Variants in DIRAS3 observed in about 807,000 individuals in gnomAD.
The protein encoded by DIRAS3 is GTP-binding protein Di-Ras3.
For synonymous variants in DIRAS3, 133 were observed against 131.4 expected (o/e 1.01, Z -0.08); for missense variants, 248 against 300.6 (o/e 0.83, Z 1.29).
chr1:68,049,844 C>T (rs1645714774), intron 1 of DIRAS3: 1 of 151,924 alleles, frequency 6.6e-6, no homozygotes, highest in South Asian at 2.1e-4. Flanking sequence ...GCCTGGGTAA[C>T]ATAGGGAGAC....
At position 68,047,108 on chromosome 1, in the gene DIRAS3, GA is replaced by G. The variant is rs761914506; in HGVS notation, c.189del (p.His64MetfsTer43). ...LLHKWASGNF[R>X]HEYLPTIENT... ...TTTTCAATGGTCGGCAGGTACTCAT[GA>G]CGGAAGTTGCCGCTCGCCCACTTGT... On this transcript the variant is annotated frameshift_variant, in exon 2 of 2. Coordinates refer to ENST00000646789, the MANE Select transcript of DIRAS3 (RefSeq NM_004675.5). LOFTEE classifies it low-confidence loss of function (END_TRUNC). 1.9e-6 allele frequency: 3 copies of G among 1,614,186 alleles called. No individual in the cohort carries two copies. The African/African-American group carries it at 4.0e-5, about 22-fold the overall frequency.
intron 1 of DIRAS3, chr1:68,049,267 A>G (rs1362699091): frequency 3.9e-5 from 6 of 152,242 alleles, no homozygotes; most frequent in African/African-American, 1.4e-4. Context: ...AAATACATAC[A>G]TATATCTAAA....
At chr1:68,047,719 T>C (rs1308552340) in intron 1 of DIRAS3, among the ~76,000 whole-genome samples, 1 of 151,908 alleles carries the variant, frequency 6.6e-6, no homozygotes, top group Non-Finnish European at 1.5e-5. Flanking sequence ...TGAAGAGGAC[T>C]GAACAGTCAA....
chr1:68,048,069 T>A (rs1557689712), intron 1 of DIRAS3, among the ~76,000 whole-genome samples: 1 of 104,686 alleles, frequency 9.6e-6, no homozygotes, highest in Non-Finnish European at 1.9e-5. Context: ...TATATATATA[T>A]ATATATATAT....
At chr1:68,047,890 C>A (rs1245369412) in intron 1 of DIRAS3, among the ~76,000 whole-genome samples, 1 of 149,422 alleles carries the variant, frequency 6.7e-6, no homozygotes, top group African/African-American at 2.5e-5. Flanking sequence ...AGGGGAGGTA[C>A]CTGCAGTCAG....
chr1:68,047,535 C>T (rs1328596348), intron 1 of DIRAS3, among the ~76,000 whole-genome samples, 173 bp from the exon 2 acceptor site: 1 of 152,068 alleles, frequency 6.6e-6, no homozygotes, highest in Non-Finnish European at 1.5e-5. Context: ...CCTGCTAGAC[C>T]GAGGGACCAG....
chr1:68,046,250 G>A lies in DIRAS3; in HGVS notation c.*358C>T, dbSNP rs1645671176. The A allele has an allele frequency of 5.5e-6, 1 of 182,164 alleles. No homozygotes were observed. Among genetic ancestry groups the A allele is most frequent in the African/African-American group, 2.4e-5 (1 of 42,030 alleles). 11.3% of individuals were successfully genotyped at this position (182,164 alleles called of 1,614,324 possible). On this transcript the variant is annotated 3_prime_UTR_variant, in exon 2 of 2. Transcript: ENST00000646789. ...ACTTACAGGATGTGAAATATTTAAA[G>A]GTAATACACAATAATCGGGTTACCA... is the stretch of plus-strand genomic sequence containing the variant.
Position 68,047,136 on chromosome 1 carries a change from C to T in DIRAS3, c.162G>A (p.Leu54=). 6.2e-7 allele frequency: 1 copy of T among 1,614,208 alleles called. No individual in the cohort carries two copies. The highest frequency in any genetic ancestry group is 8.5e-7 in the Non-Finnish European group (1 of 1,180,046). The change falls in exon 2 of 2, where the codon CTG becomes CTA. Residue 54 remains leucine, a synonymous_variant. Transcript: ENST00000646789. ...GTAGVGKSTL[L]HKWASGNFRH... ...GGAAGTTGCCGCTCGCCCACTTGTG[C>T]AGCAGCGTACTTTTCCCCACACCAG...
chr1:68,047,162 C>T lies in DIRAS3; in HGVS notation c.136G>A (p.Ala46Thr). The T allele has an allele frequency of 6.2e-7, 1 of 1,614,174 alleles. No homozygotes were observed. Among genetic ancestry groups the T allele is most frequent in the Non-Finnish European group, 8.5e-7 (1 of 1,180,030 alleles). Residue 46 changes from alanine (A) to threonine (T), a missense_variant, in exon 2 of 2, where the codon GCT becomes ACT. Physicochemically the swap from Ala to Thr is moderately conservative, Grantham distance 58. Transcript: ENST00000646789. ...AGCAGCGTACTTTTCCCCACACCAG[C>T]GGTGCCGACTACCACGACGCGGTAA... ...RDYRVVVVGT[A>T]GVGKSTLLHK...
rs558811616 is a variant in DIRAS3, at chr1:68,050,217, C to G, written c.-66+331G>C. 1.3e-5 allele frequency among the ~76,000 whole-genome samples: 2 copies of G among 152,344 alleles called. No individual in the cohort carries two copies. Among genetic ancestry groups the G allele is most frequent in the South Asian group, 4.1e-4 (2 of 4,830 alleles). On this transcript the variant is annotated intron_variant, in intron 1 of 1. Coordinates refer to ENST00000646789, the MANE Select transcript of DIRAS3 (RefSeq NM_004675.5). The surrounding 1 kb of genome is among the most constrained non-coding windows in gnomAD (Gnocchi z 4.5). ...CCATTTCAATCTTACTTTCACACTA[C>G]ATGACTCCACTATTACTTCCTGAAC...
In DIRAS3 at chr1:68,047,019, C is replaced by T. The variant is rs1292098402; in HGVS notation, c.279G>A (p.Lys93=). The T allele has an allele frequency of 1.9e-6, 3 of 1,614,212 alleles. No homozygotes were observed. The highest frequency in any genetic ancestry group is 2.5e-6 in the Non-Finnish European group (3 of 1,180,038). ...GCAGAGCGCGGTTGCCGTCGCCACT[C>T]TTGCTGTCGGTGATGTGCAGGGAAA... ...GVLSLHITDS[K]SGDGNRALQR... The change falls in exon 2 of 2, where the codon AAG becomes AAA. Residue 93 remains lysine, a synonymous_variant. Transcript: ENST00000646789.
In DIRAS3 at chr1:68,047,374, G is replaced by T; in HGVS notation, c.-65-12C>A. On this transcript the variant is annotated splice_polypyrimidine_tract_variant and intron_variant, in intron 1 of 1. Coordinates refer to ENST00000646789, the MANE Select transcript of DIRAS3 (RefSeq NM_004675.5). The stretch of plus-strand genomic sequence containing the variant: ...GCAGCAGGAGACCCCTAGGAAGAAA[G>T]TGAGACGGTGAGAGATGGTAGTGGT... The T allele has an allele frequency of 1.5e-6, 2 of 1,291,454 alleles. No individual in the cohort carries two copies. The highest frequency in any genetic ancestry group is 1.1e-6 in the Non-Finnish European group (1 of 935,256). The allele number at this position is 1,291,454 out of a possible 1,614,324, so 80.0% of individuals were successfully genotyped here. A position where few individuals can be genotyped will look rare whatever the true frequency, so the allele number is the denominator to read the frequency against.
intron 1 of DIRAS3, among the ~76,000 whole-genome samples, chr1:68,049,047 G>C (rs1036424884): frequency 2.0e-5 from 3 of 151,370 alleles, no homozygotes; most frequent in African/African-American, 7.3e-5. Context: ...CCCCATATTA[G>C]AGTTTTCATT....
chr1:68,047,030 T>A lies in DIRAS3; in HGVS notation c.268A>T (p.Thr90Ser). Reference protein sequence around the residue: ...CSHGVLSLHITDSKSGDGNRA... With the variant: ...CSHGVLSLHISDSKSGDGNRA... ...TTGCCGTCGCCACTCTTGCTGTCGGTGATGTGCAGGGAAAGCACACCGTGG... is the reference window on the plus strand; with the variant it reads ...TTGCCGTCGCCACTCTTGCTGTCGGAGATGTGCAGGGAAAGCACACCGTGG... The change falls in exon 2 of 2, where the codon ACC (threonine) becomes TCC (serine). Residue 90 changes from threonine to serine, a missense_variant. Coordinates refer to ENST00000646789, the MANE Select transcript of DIRAS3 (RefSeq NM_004675.5). The A allele has an allele frequency of 6.2e-7, 1 of 1,614,212 alleles. No homozygotes were observed. Among genetic ancestry groups the A allele is most frequent in the Non-Finnish European group, 8.5e-7 (1 of 1,180,034 alleles).
intron 1 of DIRAS3, among the ~76,000 whole-genome samples, chr1:68,047,801 C>T (rs3790688): frequency 0.57 from 85,424 of 149,942 alleles, 28,661 homozygotes; most frequent in Non-Finnish European, 0.75. Flanking sequence ...AGTGACACCG[C>T]CGCCCTGGTT....
rs1160776146 is a variant in DIRAS3 at position 68,047,169 on chromosome 1, G to T, written c.129C>A (p.Val43=). Residue 43 remains valine, a synonymous_variant, in exon 2 of 2, where the codon GTC becomes GTA. Coordinates refer to ENST00000646789, the MANE Select transcript of DIRAS3 (RefSeq NM_004675.5). Reference sequence around the variant, plus strand: ...TACTTTTCCCCACACCAGCGGTGCCGACTACCACGACGCGGTAATCTCTGA... The same window carrying T: ...TACTTTTCCCCACACCAGCGGTGCCTACTACCACGACGCGGTAATCTCTGA... ...RKIRDYRVVV[V]GTAGVGKSTL... 1.9e-6 allele frequency: 3 copies of T among 1,614,168 alleles called. No homozygotes were observed. The highest frequency in any genetic ancestry group is 1.1e-5 in the South Asian group (1 of 91,074).
rs1215159107 is a variant in DIRAS3, at chr1:68,046,745, C to T, written c.553G>A (p.Asp185Asn). The T allele has an allele frequency of 1.9e-6, 3 of 1,614,026 alleles. No individual in the cohort carries two copies. Among genetic ancestry groups the T allele is most frequent in the Admixed American group, 1.7e-5 (1 of 60,008 alleles). The change falls in exon 2 of 2, where the codon GAT becomes AAT. Residue 185 changes from aspartate to asparagine, a missense_variant. Transcript: ENST00000646789. ...TGGAACAGCTCCTGCACATTCACAT[C>T]GGTCTTGGCTGAAATCTCCATGAAG... Reference protein sequence around the residue: ...CAFMEISAKTDVNVQELFHML... With the variant: ...CAFMEISAKTNVNVQELFHML...
At position 68,047,283 on chromosome 1, in the gene DIRAS3, G is replaced by T; in HGVS notation, c.15C>A (p.Ser5Arg). The T allele has an allele frequency of 1.2e-6, 2 of 1,613,210 alleles. No individual in the cohort carries two copies. The highest frequency in any genetic ancestry group is 1.7e-6 in the Non-Finnish European group (2 of 1,179,564). Reference sequence around the variant, plus strand: ...GCAGCTTCTGTTCCTTGGAGCCAAAGCTGGCGTTACCCATCGTTGGGATTC... The same window carrying T: ...GCAGCTTCTGTTCCTTGGAGCCAAATCTGGCGTTACCCATCGTTGGGATTC... MGNA[S>R]FGSKEQKLLK... Residue 5 changes from serine to arginine, a missense_variant, in exon 2 of 2, where the codon AGC becomes AGA. Transcript: ENST00000646789.
At chr1:68,049,850 G>C (rs942710789) in intron 1 of DIRAS3, 1 of 152,098 alleles carries the variant, frequency 6.6e-6, no homozygotes, top group Non-Finnish European at 1.5e-5. Flanking sequence ...GTAACATAGG[G>C]AGACCGCCGT....
Sources: allele counts gnomAD v4.1 joint callset (sites outside exome capture counted in the v4.1 genomes callset), GRCh38; gene constraint gnomAD v4.1.1; non-coding constraint Gnocchi (gnomAD v3.1); transcripts MANE v1.5; gene names NCBI Gene and HGNC (gene_info 2026-07-23, HGNC 2026-07-21).